Variants in DHODH observed in about 807,000 individuals in gnomAD.
The protein encoded by DHODH is dihydroorotate dehydrogenase (quinone), mitochondrial.
Under a neutral mutation model 39.7 loss-of-function variants are expected in DHODH, and 30 were observed. The ratio of observed to expected loss-of-function variants is 0.76; its 90% CI spans 0.57 to 1.02. The LOEUF (loss-of-function observed/expected upper bound fraction) is 1.02, where lower values mean the gene tolerates loss of function less well. Ranked by LOEUF, DHODH falls within the 50% of genes least tolerant of loss-of-function variation. DHODH has a pLI of 0.00. For missense variants in DHODH, 531 were observed against 520.8 expected, an observed-to-expected ratio of 1.02 and a Z score of -0.19; for synonymous variants, 222 against 213.8, an observed-to-expected ratio of 1.04 and a Z score of -0.34.
chr16:72,009,145 T>G (rs1241523026), intron 1 of DHODH: 1 of 1,133,864 alleles, frequency 8.8e-7, no homozygotes, highest in Non-Finnish European at 1.1e-6. Context: ...CCAACCCTTT[T>G]AGGTAAAGTT....
At chr16:72,013,603 G>C (rs191949371) in intron 2 of DHODH, 1 of 152,202 alleles carries the variant, frequency 6.6e-6, no homozygotes, top group Non-Finnish European at 1.5e-5. Context: ...AATCCCCCGG[G>C]GGTGCACTTG....
intron 1 of DHODH, chr16:72,009,018 AGT>A: frequency 7.0e-7 from 1 of 1,431,916 alleles, no homozygotes; most frequent in East Asian, 2.6e-5. Flanking sequence ...TGCTGATCTG[AGT>A]GTCTGCGCCT....
At chr16:72,021,059 G>A in intron 4 of DHODH, 65 bp from the exon 5 acceptor site, 1 of 1,500,842 alleles carries the variant, frequency 6.7e-7, no homozygotes. Context: ...TTGGTCAAGG[G>A]CAGCCTCAGA....
chr16:72,023,824 T>C (rs1400604303), intron 8 of DHODH, among the ~76,000 whole-genome samples, 191 bp downstream of exon 8: 2 of 152,230 alleles, frequency 1.3e-5, no homozygotes, highest in Non-Finnish European at 2.9e-5. Context: ...GAACTGAGGA[T>C]TAACCTCCAA....
Position 72,026,680 on chromosome 16 carries a change from G to C in DHODH, c.*2481G>C, listed in dbSNP as rs147363729. ...AGGTGCAAGCCACCGCGCCTGGCTC[G>C]AGAGACTGACATTCTGTCTCAGCAC... is the stretch of plus-strand genomic sequence containing the variant. On this transcript the variant is annotated 3_prime_UTR_variant, in exon 9 of 9. Transcript: ENST00000219240. The C allele has an allele frequency of 1.3e-5, 2 of 151,900 alleles. No homozygotes were observed. Among genetic ancestry groups the C allele is most frequent in the Admixed American group, 1.3e-4 (2 of 15,232 alleles). The allele number at this position is 151,900 out of a possible 1,614,324, so 9.4% of individuals were successfully genotyped here. A position where few individuals can be genotyped will look rare whatever the true frequency, so the allele number is the denominator to read the frequency against.
intron 2 of DHODH, 99 bp from the exon 3 acceptor site, chr16:72,014,374 G>C (rs62055631): frequency 6.4e-6 from 8 of 1,245,774 alleles, no homozygotes; most frequent in Non-Finnish European, 8.2e-6. Flanking sequence ...GGTTTCACAA[G>C]CTTCCCAGGT....
intron 3 of DHODH, chr16:72,016,434 G>A (rs950054850): frequency 5.4e-5 from 9 of 166,370 alleles, no homozygotes; most frequent in Admixed American, 4.9e-4. Context: ...ACAGAGGGAT[G>A]AGAGAAGTAT....
chr16:72,023,066 G>T (rs942022247), intron 6 of DHODH, 99 bp from the exon 7 acceptor site: 1 of 1,219,774 alleles, frequency 8.2e-7, no homozygotes, highest in Non-Finnish European at 1.2e-6. Context: ...GGCTGTAGGT[G>T]TGGGTACCTG....
chr16:72,018,065 C>T (rs1199792620), intron 4 of DHODH, among the ~76,000 whole-genome samples: 2 of 151,816 alleles, frequency 1.3e-5, no homozygotes, highest in Admixed American at 1.3e-4. Context: ...TGAGCCACCG[C>T]GCCTGGCCAC....
chr16:72,024,472 A>C lies in DHODH; in HGVS notation c.*273A>C, dbSNP rs1438698959. 1.9e-6 allele frequency: 1 copy of C among 513,080 alleles called. No individual in the cohort carries two copies. The highest frequency in any genetic ancestry group is 3.5e-6 in the Non-Finnish European group (1 of 282,572). 31.8% of individuals were successfully genotyped at this position (513,080 alleles called of 1,614,324 possible). ...AGGACATTGAATATTAGGAGGAAAA[A>C]GTCATGGAAAAAATAAAGCCATTTA... On this transcript the variant is annotated 3_prime_UTR_variant, in exon 9 of 9. Transcript: ENST00000219240.
At position 72,014,586 on chromosome 16, in the gene DHODH, G is replaced by C; in HGVS notation, c.348G>C (p.Glu116Asp). ...GLYKMGFGFV[E>D]IGSVTPKPQE... The stretch of plus-strand genomic sequence containing the variant: ...ATAAGATGGGCTTTGGTTTTGTTGA[G>C]ATAGGAAGTGTGACTCCAAAACCTC... The change falls in exon 3 of 9, where the codon GAG becomes GAC. Residue 116 changes from glutamate to aspartate, a missense_variant. Glu to Asp is a conservative substitution (Grantham distance 45, BLOSUM62 2). Coordinates refer to ENST00000219240, the MANE Select transcript of DHODH (RefSeq NM_001361.5). The C allele has an allele frequency of 1.9e-6, 3 of 1,614,192 alleles. No individual in the cohort carries two copies. The highest frequency in any genetic ancestry group is 2.5e-6 in the Non-Finnish European group (3 of 1,180,036).
intron 2 of DHODH, chr16:72,013,465 G>A (rs1451727712): frequency 6.6e-6 from 1 of 152,210 alleles, no homozygotes; most frequent in Non-Finnish European, 1.5e-5. Context: ...CAACACCTCT[G>A]CGTGGGCCCA....
rs577183142 is a variant in DHODH, at chr16:72,009,255, G to A, written c.21+470G>A. ...GCGGTGGCTCACGCCTGTAATCCCAGCACTTTGGGAGGCCGAGGCGGGTGG... is the reference window on the plus strand; with the variant it reads ...GCGGTGGCTCACGCCTGTAATCCCAACACTTTGGGAGGCCGAGGCGGGTGG... On this transcript the variant is annotated intron_variant, in intron 1 of 8. Transcript: ENST00000219240. 1.8e-4 allele frequency: 82 copies of A among 467,780 alleles called. No homozygotes were observed. The East Asian group carries it at 0.012, about 66-fold the overall frequency. 29.0% of individuals were successfully genotyped at this position (467,780 alleles called of 1,614,324 possible). A position where few individuals can be genotyped will look rare whatever the true frequency, so the allele number is the denominator to read the frequency against.
Position 72,025,118 on chromosome 16 carries a change from TGTTA to T in DHODH, c.*923_*926del, listed in dbSNP as rs1340385425. 1 of 152,276 alleles carries T rather than the reference TGTTA, an allele frequency of 6.6e-6. No homozygotes were observed. Among genetic ancestry groups the T allele is most frequent in the African/African-American group, 2.4e-5 (1 of 41,478 alleles). 9.4% of individuals were successfully genotyped at this position (152,276 alleles called of 1,614,324 possible). A position where few individuals can be genotyped will look rare whatever the true frequency, so the allele number is the denominator to read the frequency against. On this transcript the variant is annotated 3_prime_UTR_variant, in exon 9 of 9. Transcript: ENST00000219240. ...AGTCTGTATCTCCTAAGCATCCTGA[TGTTA>T]GTTTTTTGACTATAAAATTGACCTG... is the stretch of plus-strand genomic sequence containing the variant.
At chr16:72,019,572 A>G (rs1420389977) in intron 4 of DHODH, among the ~76,000 whole-genome samples, 2 of 152,222 alleles carry the variant, frequency 1.3e-5, no homozygotes, top group Admixed American at 1.3e-4. Flanking sequence ...CTGAAAATGT[A>G]TTTTTTCTGG....
rs1186339153 is a variant in DHODH, at chr16:72,014,465, C to T, written c.235-8C>T. On this transcript the variant is annotated splice_region_variant and splice_polypyrimidine_tract_variant and intron_variant, in intron 2 of 8. Coordinates refer to ENST00000219240, the MANE Select transcript of DHODH (RefSeq NM_001361.5). ...AGCGTGCCTCTGACTTTGTCTTCCT[C>T]TTCCCAGGAAGTGAGAGTTCTGGGC... The T allele has an allele frequency of 7.4e-6, 12 of 1,613,796 alleles. No homozygotes were observed. Among genetic ancestry groups the T allele is most frequent in the Non-Finnish European group, 1.0e-5 (12 of 1,179,834 alleles).
At position 72,026,998 on chromosome 16, in the gene DHODH, TG is replaced by T. The variant is rs55683470; in HGVS notation, c.*2800del. 0.24 allele frequency: 24,062 copies of T among 99,876 alleles called. 2,850 individuals carry two copies. Among genetic ancestry groups the T allele is most frequent in the African/African-American group, 0.3 (9,719 of 32,918 alleles). The allele number at this position is 99,876 out of a possible 1,614,324, so 6.2% of individuals were successfully genotyped here. A position where few individuals can be genotyped will look rare whatever the true frequency, so the allele number is the denominator to read the frequency against. On this transcript the variant is annotated 3_prime_UTR_variant, in exon 9 of 9. Coordinates refer to ENST00000219240, the MANE Select transcript of DHODH (RefSeq NM_001361.5). ...GTGTGTGTGTGTGTGTGTGTGTGTG[TG>T]TGTGTGTGTGTTTTTGAGATGGAGT...
intron 6 of DHODH, 125 bp from the exon 7 acceptor site, chr16:72,023,040 T>A: frequency 1.1e-6 from 1 of 877,076 alleles, no homozygotes; most frequent in Admixed American, 2.0e-5. Context: ...AGGTCTGGTG[T>A]AGCTCTTGCT....
Position 72,027,002 on chromosome 16 carries a change from TG to T in DHODH, c.*2804del, listed in dbSNP as rs1412345622. ...GTGTGTGTGTGTGTGTGTGTGTGTG[TG>T]TGTGTGTTTTTGAGATGGAGTCCTG... On this transcript the variant is annotated 3_prime_UTR_variant, in exon 9 of 9. Coordinates refer to ENST00000219240, the MANE Select transcript of DHODH (RefSeq NM_001361.5). 17,164 of 79,286 alleles carry T rather than the reference TG, an allele frequency of 0.22. 1,457 individuals carry two copies. Among genetic ancestry groups the T allele is most frequent in the Admixed American group, 0.33 (2,852 of 8,630 alleles). The allele number at this position is 79,286 out of a possible 1,614,324, so 4.9% of individuals were successfully genotyped here. A position where few individuals can be genotyped will look rare whatever the true frequency, so the allele number is the denominator to read the frequency against.
Sources: gnomAD v4.1 joint callset for allele counts (sites outside exome capture counted in the v4.1 genomes callset) on GRCh38, gnomAD v4.1.1 for gene constraint, MANE v1.5 for transcripts, NCBI Gene and HGNC (gene_info 2026-07-23, HGNC 2026-07-21) for gene names.